BDH1: variants seen among roughly 807,000 people sequenced by gnomAD.
BDH1 encodes 3-hydroxybutyrate dehydrogenase 1, also known as D-beta-hydroxybutyrate dehydrogenase, mitochondrial.
A neutral mutation model predicts 33.1 loss-of-function variants in BDH1; 30 were observed. That is an observed-to-expected ratio of 0.91 (90% CI 0.68 to 1.23). The LOEUF (loss-of-function observed/expected upper bound fraction) is 1.23, where lower values mean the gene tolerates loss of function less well. Ranked by LOEUF, BDH1 falls within the 50% of genes most tolerant of loss-of-function variation. The probability of loss-of-function intolerance (pLI) is 0.00; values close to 1 mark genes in which losing one functional copy is unlikely to be tolerated. For synonymous variants in BDH1, 190 were observed against 183.6 expected, an observed-to-expected ratio of 1.03 and a Z score of -0.28; for missense variants, 443 against 464.4, an observed-to-expected ratio of 0.95 and a Z score of 0.42.
chr3:197,544,653 G>A (rs535409614), intron 3 of BDH1, among the ~76,000 whole-genome samples: 6 of 152,212 alleles, frequency 3.9e-5, no homozygotes, highest in East Asian at 1.9e-4. Context: ...GCCTCCTGCC[G>A]CCTGTGCCAA....
chr3:197,513,587 T>G (rs887223261), intron 7 of BDH1, among the ~76,000 whole-genome samples: 1 of 152,144 alleles, frequency 6.6e-6, no homozygotes, highest in Non-Finnish European at 1.5e-5. Context: ...GGAGGCACCT[T>G]TCAGAAAGCT....
Position 197,514,511 on chromosome 3 carries a change from C to A in BDH1, c.410-95G>T. ...GGCCAGCCTCCTCTCTGCTTCTTTC[C>A]TGTGACTTCCCAGCCTCTCGCCCAG... is the stretch of plus-strand genomic sequence containing the variant. On this transcript the variant is annotated intron_variant, in intron 6 of 7. Transcript: ENST00000392379. This position sits in a 1 kb window ranked among gnomAD's most constrained non-coding sequence, Gnocchi z 4.2. 7.3e-7 allele frequency: 1 copy of A among 1,371,122 alleles called. No homozygotes were observed. The highest frequency in any genetic ancestry group is 2.5e-5 in the East Asian group (1 of 40,480). The allele number at this position is 1,371,122 out of a possible 1,614,324, so 84.9% of individuals were successfully genotyped here.
chr3:197,556,962 C>T (rs896973474), upstream of BDH1, among the ~76,000 whole-genome samples: 3 of 152,222 alleles, frequency 2.0e-5, no homozygotes, highest in Non-Finnish European at 4.4e-5. Flanking sequence ...AAGCTGGGAA[C>T]GGCTTAGGGC....
chr3:197,520,214 G>T lies in BDH1; in HGVS notation c.409+2426C>A, dbSNP rs1713387185. 6.6e-6 allele frequency among the ~76,000 whole-genome samples: 1 copy of T among 152,064 alleles called. No individual in the cohort carries two copies. The highest frequency in any genetic ancestry group is 1.5e-5 in the Non-Finnish European group (1 of 68,020). ...AGACGGGAAGAAAGCGAGAGCAGGA[G>T]ATGGGGGACACGCCACTGCATATCT... On this transcript the variant is annotated intron_variant, in intron 6 of 7. Coordinates refer to ENST00000392379, the MANE Select transcript of BDH1 (RefSeq NM_203314.3). This position sits in a 1 kb window ranked among gnomAD's most constrained non-coding sequence, Gnocchi z 6.0.
At chr3:197,539,281 A>G (rs1715405164) in intron 3 of BDH1, among the ~76,000 whole-genome samples, 2 of 152,102 alleles carry the variant, frequency 1.3e-5, no homozygotes, top group African/African-American at 4.8e-5. Flanking sequence ...CTGGGATTAC[A>G]GGCACCCACC....
At chr3:197,570,208 T>C (rs1172014615) in intron 1 of BDH1, among the ~76,000 whole-genome samples, 1 of 152,190 alleles carries the variant, frequency 6.6e-6, no homozygotes, top group African/African-American at 2.4e-5. Context: ...GCAGAAGAAA[T>C]TTCTAAGTAG....
At chr3:197,563,229 C>T (rs1400302926) in intron 1 of BDH1, among the ~76,000 whole-genome samples, 1 of 152,190 alleles carries the variant, frequency 6.6e-6, no homozygotes, top group Non-Finnish European at 1.5e-5. Context: ...AATTTCCCTC[C>T]AGCTCACCAG....
chr3:197,567,543 A>G (rs1717472733), intron 1 of BDH1, among the ~76,000 whole-genome samples: 1 of 152,150 alleles, frequency 6.6e-6, no homozygotes, highest in Non-Finnish European at 1.5e-5. Context: ...TTCATTTTAC[A>G]TATGTTGATT....
At chr3:197,538,705 T>G (rs1255654007) in intron 3 of BDH1, 1 of 166,674 alleles carries the variant, frequency 6.0e-6, no homozygotes, top group Non-Finnish European at 1.3e-5. Flanking sequence ...CATATTAAGC[T>G]TTTAAAAAAT....
chr3:197,539,709 G>C (rs1478331475), intron 3 of BDH1, among the ~76,000 whole-genome samples: 1 of 152,148 alleles, frequency 6.6e-6, no homozygotes, highest in Non-Finnish European at 1.5e-5. Flanking sequence ...ATCTGCTCTT[G>C]TGGCCCCGAC....
chr3:197,530,911 C>T (rs1179304472), intron 5 of BDH1, among the ~76,000 whole-genome samples: 1 of 152,194 alleles, frequency 6.6e-6, no homozygotes, highest in Admixed American at 6.5e-5. Context: ...GGGAATAACG[C>T]TACTTTGATT....
At chr3:197,560,383 T>C (rs900357222), upstream of BDH1, among the ~76,000 whole-genome samples, 1 of 152,242 alleles carries the variant, frequency 6.6e-6, no homozygotes, top group African/African-American at 2.4e-5. Context: ...GTTTTTACCT[T>C]TCTCAGCATT....
chr3:197,569,858 A>G (rs1394767994), intron 1 of BDH1, among the ~76,000 whole-genome samples: 1 of 152,250 alleles, frequency 6.6e-6, no homozygotes, highest in Non-Finnish European at 1.5e-5. Flanking sequence ...GTACTGGTAG[A>G]GTGGGGCACT....
intron 5 of BDH1, 32 bp downstream of exon 5, chr3:197,532,380 G>T: frequency 6.3e-7 from 1 of 1,575,348 alleles, no homozygotes; most frequent in African/African-American, 1.3e-5. Context: ...ATGTGTAAAA[G>T]ACAATGGTGA....
Position 197,544,696 on chromosome 3 carries a change from C to T in BDH1, c.83+1665G>A, listed in dbSNP as rs539666581. On this transcript the variant is annotated intron_variant, in intron 3 of 7. Coordinates refer to ENST00000392379, the MANE Select transcript of BDH1 (RefSeq NM_203314.3). Reference sequence around the variant, plus strand: ...TTCTAAACTCTTCTCATGTGGGGTCCTCAGGTAGGTGGAGCCCCAGCTCCA... The same window carrying T: ...TTCTAAACTCTTCTCATGTGGGGTCTTCAGGTAGGTGGAGCCCCAGCTCCA... Among the ~76,000 whole-genome samples, 3 of 152,366 alleles carry T rather than the reference C, an allele frequency of 2.0e-5. No individual in the cohort carries two copies. The East Asian group carries it at 5.8e-4, about 29-fold the overall frequency.
intron 7 of BDH1, 130 bp from the exon 8 acceptor site, chr3:197,512,494 G>T: frequency 1.0e-6 from 1 of 980,792 alleles, no homozygotes; most frequent in Non-Finnish European, 1.5e-6. Flanking sequence ...TCAGTCAATA[G>T]GCAAGGCCAG....
intron 2 of BDH1, among the ~76,000 whole-genome samples, chr3:197,551,952 G>A (rs1010160855): frequency 1.3e-5 from 2 of 152,160 alleles, no homozygotes; most frequent in African/African-American, 4.8e-5. Flanking sequence ...TCAGGACTCT[G>A]TTCTTGGTCT....
At chr3:197,563,816 T>C (rs1278997550) in intron 1 of BDH1, among the ~76,000 whole-genome samples, 1 of 151,962 alleles carries the variant, frequency 6.6e-6, no homozygotes, top group Admixed American at 6.6e-5. Context: ...GTAAAGAAAG[T>C]TATGGCTGGG....
chr3:197,513,253 C>T (rs115608061), intron 7 of BDH1, among the ~76,000 whole-genome samples: 2,045 of 152,280 alleles, frequency 0.013, 51 homozygotes, highest in African/African-American at 0.046. Flanking sequence ...TGGCCCAGCC[C>T]GGGAAGCCGA....
Sources: gnomAD v4.1 joint callset for allele counts (sites outside exome capture counted in the v4.1 genomes callset) on GRCh38, gnomAD v4.1.1 for gene constraint, Gnocchi (gnomAD v3.1) non-coding constraint, MANE v1.5 for transcripts, NCBI Gene and HGNC (gene_info 2026-07-23, HGNC 2026-07-21) for gene names.